The following WDR44 variants were observed in gnomAD, a reference collection of about 807,000 sequenced individuals.
WDR44 encodes the protein WD repeat-containing protein 44.
Under a neutral mutation model 65.7 loss-of-function variants are expected in WDR44, and 9 were observed. The ratio of observed to expected loss-of-function variants is 0.14; its 90% CI spans 0.08 to 0.24. The LOEUF (loss-of-function observed/expected upper bound fraction) is 0.24, where lower values mean the gene tolerates loss of function less well. WDR44 is among the 10% of genes least tolerant of loss of function. WDR44 has a pLI of 1.00. For synonymous variants in WDR44, 220 were observed against 235.2 expected (o/e 0.94, Z 0.59); for missense variants, 425 against 670.9 (o/e 0.63, Z 4.05).
chrX:118,429,208 T>C (rs765715184), intron 12 of WDR44, among the ~76,000 whole-genome samples: 29 of 111,403 alleles, frequency 2.6e-4, no homozygotes, highest in African/African-American at 8.8e-4. Flanking sequence ...TTAAGAAGTA[T>C]TATTTTTTAA....
intron 1 of WDR44, among the ~76,000 whole-genome samples, chrX:118,352,881 T>C (rs2056427112): frequency 1.8e-5 from 2 of 111,332 alleles, no homozygotes; most frequent in Non-Finnish European, 3.8e-5. Context: ...TCCTGGGGCA[T>C]GGATAACTGA....
Position 118,436,664 on chromosome X carries a change from A to G in WDR44, c.1852-38A>G, listed in dbSNP as rs776434728. The G allele has an allele frequency of 1.9e-5, 22 of 1,170,776 alleles. No homozygotes were observed. In the South Asian group the frequency reaches 4.1e-4, roughly 22 times the overall value. ...TATTGTATAAATAGGGTTCTTTTTC[A>G]TATAGTGATAACATAGTCAATGTCA... On this transcript the variant is annotated intron_variant, in intron 13 of 19. Coordinates refer to ENST00000254029, the MANE Select transcript of WDR44 (RefSeq NM_019045.5).
At chrX:118,380,767 A>G (rs2147689502) in intron 2 of WDR44, among the ~76,000 whole-genome samples, 1 of 112,166 alleles carries the variant, frequency 8.9e-6, no homozygotes, top group Non-Finnish European at 1.9e-5. Context: ...TAACTGCCAC[A>G]AGGGGTTTGG....
intron 12 of WDR44, among the ~76,000 whole-genome samples, chrX:118,413,095 G>A (rs772956299): frequency 8.9e-6 from 1 of 112,263 alleles, no homozygotes; most frequent in Admixed American, 9.5e-5. Flanking sequence ...CTCGTTGATT[G>A]ATGGGCATTT....
intron 1 of WDR44, among the ~76,000 whole-genome samples, chrX:118,365,071 A>G (rs749186634): frequency 1.8e-5 from 2 of 111,916 alleles, no homozygotes; most frequent in East Asian, 5.6e-4. Context: ...AATGAATCTC[A>G]AAAAGTATAT....
chrX:118,413,158 G>C (rs191634302), intron 12 of WDR44, among the ~76,000 whole-genome samples: 1 of 112,358 alleles, frequency 8.9e-6, no homozygotes, highest in Admixed American at 9.5e-5. Context: ...AAACGTGCGT[G>C]TGCAAGTATC....
At chrX:118,448,865 A>C in intron 19 of WDR44, 28 bp from the exon 20 acceptor site, 1 of 1,046,099 alleles carries the variant, frequency 9.6e-7, no homozygotes, top group Non-Finnish European at 1.3e-6. Context: ...TTAAAAATCA[A>C]CTTAAAACTA....
At chrX:118,434,288 C>T (rs1029075758) in intron 13 of WDR44, among the ~76,000 whole-genome samples, 1 of 111,500 alleles carries the variant, frequency 9.0e-6, no homozygotes, top group African/African-American at 3.3e-5. Context: ...TATAAACCAC[C>T]TGGTCTTCCT....
intron 12 of WDR44, among the ~76,000 whole-genome samples, chrX:118,424,054 T>C (rs1239300694): frequency 9.1e-6 from 1 of 109,995 alleles, no homozygotes; most frequent in African/African-American, 3.3e-5. Flanking sequence ...AATGCTGCAG[T>C]GAACATGGGA....
chrX:118,388,644 C>T (rs975932444), intron 3 of WDR44, among the ~76,000 whole-genome samples: 6 of 110,933 alleles, frequency 5.4e-5, no homozygotes, highest in South Asian at 3.8e-4. Flanking sequence ...CCTTTTGGGA[C>T]GAATGGTGGA....
At chrX:118,400,829 C>T (rs2056906470) in intron 8 of WDR44, among the ~76,000 whole-genome samples, 2 of 102,065 alleles carry the variant, frequency 2.0e-5, no homozygotes, top group South Asian at 9.6e-4. Flanking sequence ...CTCCCCCCAC[C>T]CCACCACAGT....
chrX:118,430,538 TAA>T (rs1181185869), intron 12 of WDR44, among the ~76,000 whole-genome samples: 1 of 90,328 alleles, frequency 1.1e-5, no homozygotes. Flanking sequence ...AGACTCCATC[TAA>T]AAAAAAAAAA....
At chrX:118,402,440 A>C (rs1285191908) in intron 8 of WDR44, among the ~76,000 whole-genome samples, 2 of 84,973 alleles carry the variant, frequency 2.4e-5, no homozygotes, top group East Asian at 4.0e-4. Flanking sequence ...TGTCTCAAAA[A>C]AAAAAAAAAA....
At chrX:118,447,032 ATTT>A (rs72106099) in intron 19 of WDR44, 28 of 273,591 alleles carry the variant, frequency 1.0e-4, no homozygotes, top group East Asian at 3.4e-4. Context: ...TGCCTGGCTA[ATTT>A]TTTTTTTTTT....
intron 12 of WDR44, among the ~76,000 whole-genome samples, chrX:118,431,666 T>G (rs768073402): frequency 8.9e-6 from 1 of 112,238 alleles, no homozygotes; most frequent in Non-Finnish European, 1.9e-5. Flanking sequence ...CATCTCCATA[T>G]ACTGTTTTCT....
chrX:118,366,794 T>C (rs2056556692), intron 1 of WDR44, among the ~76,000 whole-genome samples: 1 of 112,124 alleles, frequency 8.9e-6, no homozygotes, highest in African/African-American at 3.2e-5. Context: ...GAAATATTTA[T>C]GGTTAAAAAT....
chrX:118,448,699 A>G (rs1370119446), intron 19 of WDR44, among the ~76,000 whole-genome samples, 194 bp from the exon 20 acceptor site: 4 of 111,593 alleles, frequency 3.6e-5, no homozygotes, highest in Non-Finnish European at 7.5e-5. Flanking sequence ...AAGGTAAGTG[A>G]AAGTGAGCCT....
chrX:118,444,230 T>G, intron 18 of WDR44, 130 bp from the exon 19 acceptor site: 1 of 721,664 alleles, frequency 1.4e-6, no homozygotes, highest in South Asian at 4.6e-5. Context: ...TTTAGAAAAA[T>G]TTTTGGGTTT....
chrX:118,406,796 G>T, intron 9 of WDR44, 79 bp from the exon 10 acceptor site: 1 of 980,199 alleles, frequency 1.0e-6, no homozygotes, highest in East Asian at 3.2e-5. Context: ...GAATTTTCTT[G>T]GTATGCAGGA....
Sources: allele counts gnomAD v4.1 joint callset (sites outside exome capture counted in the v4.1 genomes callset), GRCh38; gene constraint gnomAD v4.1.1; transcripts MANE v1.5; gene names NCBI Gene and HGNC (gene_info 2026-07-23, HGNC 2026-07-21).